Variants in RAB4B observed in about 807,000 individuals in gnomAD.
The protein encoded by RAB4B is ras-related protein Rab-4B.
A neutral mutation model predicts 28.3 loss-of-function variants in RAB4B; 15 were observed. The ratio of observed to expected loss-of-function variants is 0.53; its 90% CI spans 0.35 to 0.82. The LOEUF (loss-of-function observed/expected upper bound fraction) is 0.82. Among genes scored for constraint, RAB4B ranks in the 40% least tolerant of loss-of-function variants. The pLI is 0.01. For missense variants in RAB4B, 244 were observed against 288.5 expected, an observed-to-expected ratio of 0.85 and a Z score of 1.12; for synonymous variants, 108 against 116.3, an observed-to-expected ratio of 0.93 and a Z score of 0.46.
chr19:40,781,264 G>A, intron 3 of RAB4B, among the ~76,000 whole-genome samples: 1 of 150,838 alleles, frequency 6.6e-6, no homozygotes, highest in Non-Finnish European at 1.5e-5. Flanking sequence ...CCCAGCCGGG[G>A]TGACAGAGCG....
intron 7 of RAB4B, among the ~76,000 whole-genome samples, chr19:40,787,832 C>G (rs547407254): frequency 6.6e-6 from 1 of 151,590 alleles, no homozygotes; most frequent in Non-Finnish European, 1.5e-5. Context: ...CATGGTGGTA[C>G]ATGCCTATAG....
chr19:40,779,855 TA>T, intron 1 of RAB4B, 163 bp from the exon 2 acceptor site: 1 of 1,481,618 alleles, frequency 6.7e-7, no homozygotes, highest in Non-Finnish European at 9.0e-7. Context: ...AAGTACTACA[TA>T]AGAGTTATCT....
At chr19:40,794,683 AGATACTGATGC>A (rs1393784809) in intron 7 of RAB4B, 1 of 152,052 alleles carries the variant, frequency 6.6e-6, no homozygotes, top group Non-Finnish European at 1.5e-5. Context: ...GAATTTTAAA[AGATACTGATGC>A]CCAGGCCTCA....
chr19:40,787,120 TG>T lies in RAB4B; in HGVS notation c.*15+144del. ...AAACACACAAGCTAAAGGAGGCATC[TG>T]GCTGGGCGCAGTGGCTCACGCCTGT... is the stretch of plus-strand genomic sequence containing the variant. On this transcript the variant is annotated intron_variant, in intron 7 of 7. Coordinates refer to ENST00000357052, the MANE Select transcript of RAB4B (RefSeq NM_016154.5). 3.8e-6 allele frequency: 3 copies of T among 790,664 alleles called. No homozygotes were observed. In the South Asian group the frequency reaches 5.0e-5, roughly 13 times the overall value. The allele number at this position is 790,664 out of a possible 1,614,324, so 49.0% of individuals were successfully genotyped here.
intron 7 of RAB4B, chr19:40,796,250 C>T (rs2083208932): frequency 6.6e-6 from 1 of 152,336 alleles, no homozygotes; most frequent in African/African-American, 2.4e-5. Context: ...TTCCTCCTGC[C>T]TTGGCTTCCC....
intron 2 of RAB4B, 134 bp downstream of exon 2, chr19:40,780,233 G>C (rs529599907): frequency 6.8e-7 from 1 of 1,465,980 alleles, no homozygotes; most frequent in South Asian, 1.3e-5. Flanking sequence ...TCCTTGCTTT[G>C]TCGTATGTCC....
At position 40,786,624 on chromosome 19, in the gene RAB4B, G is replaced by A. The variant is rs375933546; in HGVS notation, c.431-41G>A. 3.0e-4 allele frequency: 483 copies of A among 1,611,258 alleles called. 5 individuals are homozygous for A. The South Asian group carries it at 3.7e-3, about 12-fold the overall frequency. On this transcript the variant is annotated intron_variant, in intron 5 of 7. Transcript: ENST00000357052. ...AGGTGAGAGCTCAGTGGAGGGTGGG[G>A]ACTAACTGGGGCCCTGACCTCAGAG...
intron 7 of RAB4B, among the ~76,000 whole-genome samples, chr19:40,790,887 G>A (rs1170918129): frequency 7.2e-6 from 1 of 139,348 alleles, no homozygotes; most frequent in African/African-American, 2.7e-5. Context: ...ATGGAGTCTC[G>A]CTTTGTTGCC....
Position 40,786,903 on chromosome 19 carries a change from C to T in RAB4B, c.582C>T (p.Leu194=), listed in dbSNP as rs1215648293. The T allele has an allele frequency of 6.2e-7, 1 of 1,613,950 alleles. No individual in the cohort carries two copies. The highest frequency in any genetic ancestry group is 1.3e-5 in the African/African-American group (1 of 74,924). Residue 194 remains leucine, a synonymous_variant, in exon 7 of 8, where the codon CTC becomes CTT. Coordinates refer to ENST00000357052, the MANE Select transcript of RAB4B (RefSeq NM_016154.5). The part of the protein sequence containing the change: ...GSGIQYGDAS[L]RQLRQPRSAQ... ...GCATTCAGTACGGGGATGCGTCCCT[C>T]CGCCAGCTTCGGCAGCCTCGGAGTG...
chr19:40,793,195 AATTT>A (rs1207297709), intron 7 of RAB4B, among the ~76,000 whole-genome samples: 4 of 151,326 alleles, frequency 2.6e-5, no homozygotes, highest in Admixed American at 1.3e-4. Flanking sequence ...AGCAACCACC[AATTT>A]GTTTTCTGTC....
rs748348103 is a variant in RAB4B, at chr19:40,786,788, G to A, written c.526+28G>A. The A allele has an allele frequency of 5.6e-6, 9 of 1,614,162 alleles. No individual in the cohort carries two copies. In the East Asian group the frequency reaches 6.7e-5, roughly 12 times the overall value. On this transcript the variant is annotated intron_variant, in intron 6 of 7. Coordinates refer to ENST00000357052, the MANE Select transcript of RAB4B (RefSeq NM_016154.5). ...GAGGCCCCGACCGGCCCGAGTGGGA[G>A]CGAAGGGCAGGCCCGGGGGTCTCCA... is the stretch of plus-strand genomic sequence containing the variant.
chr19:40,795,124 G>A (rs993565786), intron 7 of RAB4B, among the ~76,000 whole-genome samples: 17 of 145,448 alleles, frequency 1.2e-4, no homozygotes, highest in Non-Finnish European at 1.2e-4. Context: ...AGCCTAGATC[G>A]CGCCACTGCA....
intron 7 of RAB4B, among the ~76,000 whole-genome samples, chr19:40,787,258 G>C (rs1482061331): frequency 6.6e-6 from 1 of 152,110 alleles, no homozygotes; most frequent in Non-Finnish European, 1.5e-5. Flanking sequence ...GGCCAGGCCT[G>C]GCTCGGTGGC....
chr19:40,795,345 CAG>C (rs2083199814), intron 7 of RAB4B, among the ~76,000 whole-genome samples: 1 of 151,420 alleles, frequency 6.6e-6, no homozygotes, highest in East Asian at 1.9e-4. Flanking sequence ...TAGAGGGACA[CAG>C]AAAGATACAA....
At chr19:40,788,830 C>T (rs975894252) in intron 7 of RAB4B, among the ~76,000 whole-genome samples, 6 of 133,684 alleles carry the variant, frequency 4.5e-5, no homozygotes, top group Admixed American at 8.4e-5. Context: ...TGCTCTGTTG[C>T]CCAGGCTAGA....
intron 1 of RAB4B, among the ~76,000 whole-genome samples, chr19:40,778,595 A>G (rs2145033670): frequency 6.6e-6 from 1 of 152,104 alleles, no homozygotes; most frequent in African/African-American, 2.4e-5. Flanking sequence ...GCGTGGGTTA[A>G]ATAGATCTGG....
intron 7 of RAB4B, among the ~76,000 whole-genome samples, chr19:40,792,885 A>G (rs1170150714): frequency 6.6e-6 from 1 of 151,490 alleles, no homozygotes; most frequent in Non-Finnish European, 1.5e-5. Flanking sequence ...GGTTCAAGCA[A>G]TTCTCCTGCC....
intron 5 of RAB4B, chr19:40,786,333 G>C (rs555197240): frequency 5.6e-6 from 2 of 359,620 alleles, no homozygotes; most frequent in East Asian, 1.5e-4. Flanking sequence ...AGAGGGTTGG[G>C]GCCAGGATGA....
At chr19:40,779,170 T>A in intron 1 of RAB4B, 1 of 257,810 alleles carries the variant, frequency 3.9e-6, no homozygotes, top group Non-Finnish European at 6.1e-6. Flanking sequence ...ATCGTAGTCC[T>A]TGTTTAAATA....
Sources: gnomAD v4.1 joint callset for allele counts (sites outside exome capture counted in the v4.1 genomes callset) on GRCh38, gnomAD v4.1.1 for gene constraint, MANE v1.5 for transcripts, NCBI Gene and HGNC (gene_info 2026-07-23, HGNC 2026-07-21) for gene names.